The following ZFHX3 variants were observed in gnomAD, a reference collection of about 807,000 sequenced individuals.
The protein encoded by ZFHX3 is zinc finger homeobox protein 3.
In ZFHX3, 42 loss-of-function variants were observed where a neutral mutation model predicts 279.1. The observed-to-expected ratio is 0.15, with a 90% CI of 0.12 to 0.19. The LOEUF is 0.19. Ranked by LOEUF, ZFHX3 falls within the 10% of genes least tolerant of loss-of-function variation. The probability of loss-of-function intolerance (pLI) is 1.00; values close to 1 mark genes in which losing one functional copy is unlikely to be tolerated. For synonymous variants in ZFHX3, 2,293 were observed against 1,957.8 expected (o/e 1.17, Z -4.52); for missense variants, 4,981 against 4,754.0 (o/e 1.05, Z -1.40).
chr16:73,381,424 T>C (rs1402420060), intron 3 of ZFHX3, among the ~76,000 whole-genome samples: 1 of 152,056 alleles, frequency 6.6e-6, no homozygotes, highest in Non-Finnish European at 1.5e-5. Context: ...AGTAATCAAA[T>C]CTAAGTGGTT....
intron 3 of ZFHX3, among the ~76,000 whole-genome samples, chr16:72,918,064 G>A (rs2039485619): frequency 6.6e-6 from 1 of 152,182 alleles, no homozygotes; most frequent in African/African-American, 2.4e-5. Flanking sequence ...GCTTGAGATG[G>A]CTGCTTAATA....
intron 1 of ZFHX3, among the ~76,000 whole-genome samples, chr16:72,987,395 C>T (rs1404696988): frequency 6.6e-6 from 1 of 152,204 alleles, no homozygotes; most frequent in Non-Finnish European, 1.5e-5. Context: ...CTCCCACCCT[C>T]CCCGATCAAA....
At chr16:73,660,322 A>G (rs1238677834) in intron 2 of ZFHX3, among the ~76,000 whole-genome samples, 2 of 152,250 alleles carry the variant, frequency 1.3e-5, no homozygotes, top group Non-Finnish European at 2.9e-5. Flanking sequence ...TTTCCTTTAG[A>G]TGTGAACAAA....
At chr16:73,603,431 A>AT (rs1261570702) in intron 2 of ZFHX3, among the ~76,000 whole-genome samples, 6 of 152,350 alleles carry the variant, frequency 3.9e-5, no homozygotes, top group African/African-American at 1.2e-4. Context: ...TAATTAAGAC[A>AT]TTGAGGCATT....
At chr16:73,831,369 C>T (rs1356234175) in intron 1 of ZFHX3, among the ~76,000 whole-genome samples, 2 of 152,168 alleles carry the variant, frequency 1.3e-5, no homozygotes, top group South Asian at 2.1e-4. Context: ...GTCAGAGCAG[C>T]CCTGGGGGCT....
At chr16:73,839,708 A>G (rs1048973596) in intron 1 of ZFHX3, among the ~76,000 whole-genome samples, 1 of 152,202 alleles carries the variant, frequency 6.6e-6, no homozygotes, top group African/African-American at 2.4e-5. Context: ...TACCCAAAGC[A>G]CTGAAATGGT....
chr16:73,588,539 T>C (rs1361445094), intron 2 of ZFHX3, among the ~76,000 whole-genome samples: 1 of 150,310 alleles, frequency 6.7e-6, no homozygotes, highest in Non-Finnish European at 1.5e-5. Context: ...ATAAAAAAAA[T>C]ATTAGCCGGG....
At chr16:73,015,936 A>C (rs1474163233) in intron 1 of ZFHX3, 3 of 152,268 alleles carry the variant, frequency 2.0e-5, no homozygotes, top group African/African-American at 4.8e-5. Context: ...CCATACGGGC[A>C]CTGGCCATGT....
At chr16:73,014,270 A>T (rs755916285) in intron 1 of ZFHX3, 10 of 151,458 alleles carry the variant, frequency 6.6e-5, no homozygotes, top group Non-Finnish European at 1.3e-4. Context: ...TCTAGGCTCC[A>T]GCTACAAGGC....
At chr16:73,349,038 C>A (rs770413958) in intron 3 of ZFHX3, among the ~76,000 whole-genome samples, 1 of 152,174 alleles carries the variant, frequency 6.6e-6, no homozygotes. Context: ...GTGTCTCAGC[C>A]TTCTTTTGGG....
At chr16:73,381,903 T>C (rs777380370) in intron 3 of ZFHX3, among the ~76,000 whole-genome samples, 21 of 152,256 alleles carry the variant, frequency 1.4e-4, no homozygotes, top group African/African-American at 5.1e-4. Flanking sequence ...TTGGACAAGC[T>C]TGTTTAGACT....
At chr16:73,817,161 C>G (rs1440364502) in intron 1 of ZFHX3, among the ~76,000 whole-genome samples, 1 of 152,136 alleles carries the variant, frequency 6.6e-6, no homozygotes, top group Non-Finnish European at 1.5e-5. Context: ...CACATGCAGC[C>G]ACGTGCATTA....
At chr16:73,586,060 C>G (rs376329806) in intron 2 of ZFHX3, among the ~76,000 whole-genome samples, 1 of 152,016 alleles carries the variant, frequency 6.6e-6, no homozygotes, top group East Asian at 1.9e-4. Flanking sequence ...TAGACAGGGA[C>G]TACAACTATA....
intron 5 of ZFHX3, among the ~76,000 whole-genome samples, chr16:73,241,098 C>T (rs148670392): frequency 1.0e-3 from 154 of 152,300 alleles, no homozygotes; most frequent in Non-Finnish European, 1.7e-3. Context: ...TGAGACCCCA[C>T]TGGAAGCTGA....
chr16:72,892,186 G>A (rs571849615), intron 3 of ZFHX3, among the ~76,000 whole-genome samples: 66 of 152,336 alleles, frequency 4.3e-4, no homozygotes, highest in African/African-American at 1.5e-3. Flanking sequence ...CCAACTAAGT[G>A]TCACAGAAAA....
rs377296744 is a variant in ZFHX3 at position 73,675,821 on chromosome 16, C to T, written c.-1547+4359G>A. On this transcript the variant is annotated intron_variant, in intron 2 of 17. Transcript: ENST00000641206. ...GAAAAAAACAATACACATACACGCA[C>T]GCACATATGCACACACACTGACACA... 9.2e-4 allele frequency among the ~76,000 whole-genome samples: 140 copies of T among 152,024 alleles called. 1 individual carries two copies. Among genetic ancestry groups the T allele is most frequent in the Non-Finnish European group, 4.3e-4 (29 of 67,934 alleles).
At chr16:73,490,770 G>A (rs763211802) in intron 2 of ZFHX3, among the ~76,000 whole-genome samples, 2 of 152,158 alleles carry the variant, frequency 1.3e-5, no homozygotes, top group Non-Finnish European at 2.9e-5. Flanking sequence ...CCAGGAGGTC[G>A]ATGCTACAGT....
At chr16:73,387,649 T>A (rs1414398454) in intron 3 of ZFHX3, among the ~76,000 whole-genome samples, 1 of 152,036 alleles carries the variant, frequency 6.6e-6, no homozygotes, top group Non-Finnish European at 1.5e-5. Context: ...TCTGAGAAAA[T>A]TTTTCTTTTC....
chr16:73,751,226 T>G (rs1001496969), intron 1 of ZFHX3, among the ~76,000 whole-genome samples: 3 of 152,234 alleles, frequency 2.0e-5, no homozygotes, highest in Non-Finnish European at 2.9e-5. Context: ...AGTCACTCAC[T>G]TGTGCATTTG....
Sources: allele counts gnomAD v4.1 joint callset (sites outside exome capture counted in the v4.1 genomes callset), GRCh38; gene constraint gnomAD v4.1.1; transcripts MANE v1.5; gene names NCBI Gene and HGNC (gene_info 2026-07-23, HGNC 2026-07-21).